Variants in ZNF521 observed in about 807,000 individuals in gnomAD.
ZNF521 encodes zinc finger protein 521.
A neutral mutation model predicts 105.5 loss-of-function variants in ZNF521; 14 were observed. The observed-to-expected ratio is 0.13, with a 90% CI of 0.09 to 0.21. The LOEUF (loss-of-function observed/expected upper bound fraction) is 0.21, where lower values mean the gene tolerates loss of function less well. Ranked by LOEUF, ZNF521 falls within the 10% of genes least tolerant of loss-of-function variation. The probability of loss-of-function intolerance (pLI) is 1.00; values close to 1 mark genes in which losing one functional copy is unlikely to be tolerated. For synonymous variants in ZNF521, 635 were observed against 606.0 expected (o/e 1.05, Z -0.70); for missense variants, 1,233 against 1,629.7 (o/e 0.76, Z 4.19).
At chr18:25,263,923 G>T (rs987729728) in intron 3 of ZNF521, among the ~76,000 whole-genome samples, 6 of 152,112 alleles carry the variant, frequency 3.9e-5, no homozygotes, top group Admixed American at 2.6e-4. Context: ...GAATAAATAG[G>T]TTATTAGCTT....
chr18:25,152,309 T>C (rs1039827299), intron 5 of ZNF521, among the ~76,000 whole-genome samples: 4 of 151,676 alleles, frequency 2.6e-5, no homozygotes, highest in South Asian at 2.1e-4. Context: ...CAAAACCCCG[T>C]CTCTACTAAA....
chr18:25,121,579 A>G (rs1265017481), intron 5 of ZNF521, among the ~76,000 whole-genome samples: 1 of 152,096 alleles, frequency 6.6e-6, no homozygotes, highest in Admixed American at 6.6e-5. Flanking sequence ...GTTAGATGAC[A>G]TGAAATAACT....
At chr18:25,185,733 A>C (rs1483297839) in intron 5 of ZNF521, among the ~76,000 whole-genome samples, 1 of 152,112 alleles carries the variant, frequency 6.6e-6, no homozygotes, top group African/African-American at 2.4e-5. Flanking sequence ...TTGACCTGTA[A>C]AAAAAATAAA....
intron 5 of ZNF521, among the ~76,000 whole-genome samples, chr18:25,185,445 G>T (rs562720357): frequency 6.6e-6 from 1 of 152,166 alleles, no homozygotes; most frequent in Admixed American, 6.5e-5. Context: ...GTGTTGTACC[G>T]GTCGCCAACA....
chr18:25,154,487 T>TA (rs1408512975), intron 5 of ZNF521, among the ~76,000 whole-genome samples: 2 of 152,058 alleles, frequency 1.3e-5, no homozygotes, highest in African/African-American at 2.4e-5. Context: ...AGAGGCAAAA[T>TA]AGGCAAAAGT....
At chr18:25,194,796 T>C (rs1406437829) in intron 5 of ZNF521, among the ~76,000 whole-genome samples, 1 of 151,764 alleles carries the variant, frequency 6.6e-6, no homozygotes, top group Non-Finnish European at 1.5e-5. Context: ...ACAGTGCCAT[T>C]ACCATAATAA....
intron 3 of ZNF521, among the ~76,000 whole-genome samples, chr18:25,244,858 G>T (rs1907597374): frequency 6.6e-6 from 1 of 152,206 alleles, no homozygotes; most frequent in Admixed American, 6.5e-5. Context: ...CTGCATAGCT[G>T]CATTCTGTGG....
intron 5 of ZNF521, among the ~76,000 whole-genome samples, chr18:25,096,177 T>C (rs776291796): frequency 4.6e-5 from 7 of 152,238 alleles, no homozygotes; most frequent in South Asian, 2.1e-4. Flanking sequence ...CTGATGCTAA[T>C]GTAAATATTT....
At chr18:25,271,581 T>C (rs1196340359) in intron 3 of ZNF521, among the ~76,000 whole-genome samples, 4 of 152,050 alleles carry the variant, frequency 2.6e-5, no homozygotes, top group South Asian at 2.1e-4. Flanking sequence ...TATAGACCAA[T>C]GGAACAGAAC....
intron 2 of ZNF521, among the ~76,000 whole-genome samples, chr18:25,322,552 AAC>A (rs1491485727): frequency 6.7e-4 from 97 of 145,464 alleles, no homozygotes; most frequent in Middle Eastern, 3.6e-3. Context: ...AAAAAAAAAA[AAC>A]CCCCCCACTG....
intron 3 of ZNF521, among the ~76,000 whole-genome samples, chr18:25,248,529 A>G (rs1907888784): frequency 6.6e-6 from 1 of 152,224 alleles, no homozygotes; most frequent in African/African-American, 2.4e-5. Flanking sequence ...TCTAAATAAC[A>G]CGAGTTAGCA....
chr18:25,347,793 C>G (rs7230778), intron 2 of ZNF521, among the ~76,000 whole-genome samples: 1 of 152,162 alleles, frequency 6.6e-6, no homozygotes, highest in Non-Finnish European at 1.5e-5. Context: ...ATTGTGTCTT[C>G]ATGTTTTTAT....
At chr18:25,128,359 A>ATT (rs1253063389) in intron 5 of ZNF521, among the ~76,000 whole-genome samples, 1 of 152,026 alleles carries the variant, frequency 6.6e-6, no homozygotes, top group East Asian at 1.9e-4. Flanking sequence ...AACTAACATC[A>ATT]TACCAGTGGT....
intron 5 of ZNF521, among the ~76,000 whole-genome samples, chr18:25,109,353 C>A (rs753712331): frequency 2.0e-5 from 3 of 152,128 alleles, no homozygotes; most frequent in Non-Finnish European, 4.4e-5. Context: ...ATCCAATCAT[C>A]CATTGATGGG....
intron 3 of ZNF521, among the ~76,000 whole-genome samples, chr18:25,295,885 C>A (rs949562537): frequency 1.3e-5 from 2 of 152,140 alleles, no homozygotes; most frequent in African/African-American, 2.4e-5. Context: ...ACCATTTTCC[C>A]AAAGTGGTTC....
intron 7 of ZNF521, among the ~76,000 whole-genome samples, chr18:25,072,190 C>A (rs1424918951): frequency 6.6e-6 from 1 of 152,210 alleles, no homozygotes; most frequent in African/African-American, 2.4e-5. Context: ...TGACCTTAGT[C>A]TAATGTGAGT....
rs747210870 is a variant in ZNF521, at chr18:25,225,373, C to T, written c.2545G>A (p.Glu849Lys). ...TPNCGTNGAS[E>K]QVQKEEVELQ... Reference sequence around the variant, plus strand: ...TCCACTTCCTCTTTCTGCACTTGCTCGGAAGCTCCATTTGTTCCACAGTTG... The same window carrying T: ...TCCACTTCCTCTTTCTGCACTTGCTTGGAAGCTCCATTTGTTCCACAGTTG... Residue 849 changes from glutamate (E) to lysine (K), a missense_variant, in exon 4 of 8, where the codon GAG becomes AAG. Glu to Lys is a moderately conservative substitution (Grantham distance 56, BLOSUM62 1). Transcript: ENST00000361524. This position sits in a 1 kb window ranked among gnomAD's most constrained non-coding sequence, Gnocchi z 5.6. 46 of 1,613,980 alleles carry T rather than the reference C, an allele frequency of 2.9e-5. No homozygotes were observed. Among genetic ancestry groups the T allele is most frequent in the Admixed American group, 1.3e-4 (8 of 59,992 alleles).
chr18:25,166,790 G>A (rs561364423), intron 5 of ZNF521, among the ~76,000 whole-genome samples: 7 of 152,128 alleles, frequency 4.6e-5, no homozygotes, highest in Middle Eastern at 3.4e-3. Flanking sequence ...ATAAGACAGC[G>A]CCACATATTT....
intron 2 of ZNF521, among the ~76,000 whole-genome samples, chr18:25,339,779 C>CA (rs1260421979): frequency 6.6e-6 from 1 of 152,164 alleles, no homozygotes; most frequent in Non-Finnish European, 1.5e-5. Context: ...ACTTCTTTGA[C>CA]ATATGGGGTA....
Sources: gnomAD v4.1 joint callset for allele counts (sites outside exome capture counted in the v4.1 genomes callset) on GRCh38, gnomAD v4.1.1 for gene constraint, Gnocchi (gnomAD v3.1) non-coding constraint, MANE v1.5 for transcripts, NCBI Gene and HGNC (gene_info 2026-07-23, HGNC 2026-07-21) for gene names.